Variants in GNB5 observed in about 807,000 individuals in gnomAD.
GNB5 encodes the protein guanine nucleotide-binding protein subunit beta-5.
In GNB5, 37 loss-of-function variants were observed where a neutral mutation model predicts 55.3. That is an observed-to-expected ratio of 0.67 (90% CI 0.51 to 0.88). The LOEUF (loss-of-function observed/expected upper bound fraction) is 0.88, where lower values mean the gene tolerates loss of function less well. Ranked by LOEUF, GNB5 falls within the 40% of genes least tolerant of loss-of-function variation. The pLI is 0.00. For missense variants in GNB5, 476 were observed against 515.3 expected (o/e 0.92, Z 0.74); for synonymous variants, 219 against 198.5 (o/e 1.10, Z -0.87).
intron 9 of GNB5, among the ~76,000 whole-genome samples, chr15:52,130,123 C>T (rs186030061): frequency 4.9e-4 from 74 of 152,212 alleles, no homozygotes; most frequent in African/African-American, 1.6e-3. Flanking sequence ...AAATGGGTTG[C>T]GAAGACAGAA....
At position 52,121,668 on chromosome 15, in the gene GNB5, C is replaced by G. The variant is rs1596046654; in HGVS notation, c.*1089G>C. On this transcript the variant is annotated 3_prime_UTR_variant, in exon 13 of 13. Transcript: ENST00000261837. ...TGTCACCCAGGCTGCAGTGGCTCGA[C>G]CTCGGCTCACTGCAAGCTCCACCTC... 1 of 151,004 alleles carries G rather than the reference C, an allele frequency of 6.6e-6. No individual in the cohort carries two copies. The highest frequency in any genetic ancestry group is 1.9e-4 in the East Asian group (1 of 5,148). 9.4% of individuals were successfully genotyped at this position (151,004 alleles called of 1,614,324 possible).
At chr15:52,142,146 C>T (rs573936395) in intron 6 of GNB5, among the ~76,000 whole-genome samples, 2 of 152,254 alleles carry the variant, frequency 1.3e-5, no homozygotes, top group African/African-American at 4.8e-5. Flanking sequence ...TGTCACAAGG[C>T]TTGTAATGTC....
In GNB5 at chr15:52,115,324, G is replaced by C. The variant is rs1183059724; in HGVS notation, c.*7433C>G. 6.6e-6 allele frequency: 1 copy of C among 152,168 alleles called. No homozygotes were observed. Among genetic ancestry groups the C allele is most frequent in the Non-Finnish European group, 1.5e-5 (1 of 68,032 alleles). 9.4% of individuals were successfully genotyped at this position (152,168 alleles called of 1,614,324 possible). On this transcript the variant is annotated 3_prime_UTR_variant, in exon 13 of 13. Coordinates refer to ENST00000261837, the MANE Select transcript of GNB5 (RefSeq NM_016194.4). ...AGAATTTCCAGTCCACACAATATGAGGCAGTTTGTAATAAGACTCGGTGAA... is the reference window on the plus strand; with the variant it reads ...AGAATTTCCAGTCCACACAATATGACGCAGTTTGTAATAAGACTCGGTGAA...
chr15:52,164,394 GGATCAC>G (rs1350267498), intron 3 of GNB5, among the ~76,000 whole-genome samples: 1 of 151,554 alleles, frequency 6.6e-6, no homozygotes, highest in Non-Finnish European at 1.5e-5. Flanking sequence ...CGAGGCGGGC[GGATCAC>G]GAAGTCAGGA....
chr15:52,172,476 T>G (rs915167896), intron 3 of GNB5, among the ~76,000 whole-genome samples: 1 of 152,000 alleles, frequency 6.6e-6, no homozygotes, highest in African/African-American at 2.4e-5. Context: ...CATTTTTCCC[T>G]TATTATAAAA....
chr15:52,169,365 C>T (rs1022685146), intron 3 of GNB5, among the ~76,000 whole-genome samples: 2 of 150,278 alleles, frequency 1.3e-5, no homozygotes, highest in African/African-American at 4.9e-5. Context: ...GGTGAAACCC[C>T]GTCTCTACTA....
chr15:52,155,244 G>A (rs1021500770), intron 3 of GNB5, among the ~76,000 whole-genome samples: 2 of 152,208 alleles, frequency 1.3e-5, no homozygotes, highest in African/African-American at 4.8e-5. Context: ...AACAGACAGA[G>A]GAACAGGGTG....
intron 6 of GNB5, among the ~76,000 whole-genome samples, chr15:52,145,953 C>CT (rs937011704): frequency 0.024 from 3,121 of 127,550 alleles, 158 homozygotes; most frequent in East Asian, 0.1. Context: ...TATAATATGA[C>CT]TTTTTTTTTT....
chr15:52,190,466 A>G (rs1351033349), intron 1 of GNB5, among the ~76,000 whole-genome samples: 1 of 152,202 alleles, frequency 6.6e-6, no homozygotes, highest in African/African-American at 2.4e-5. Context: ...CACTTCACAA[A>G]TGAGGATACT....
In GNB5 at chr15:52,119,624, G is replaced by C. The variant is rs2033219750; in HGVS notation, c.*3133C>G. ...GGGAACTAACCCTTCCTGAAGATGT[G>C]CTAAAGGCTGAGGTAGGCACTTTAC... On this transcript the variant is annotated 3_prime_UTR_variant, in exon 13 of 13. Transcript: ENST00000261837. The C allele has an allele frequency of 6.6e-6, 1 of 152,124 alleles. No homozygotes were observed. The highest frequency in any genetic ancestry group is 6.5e-5 in the Admixed American group (1 of 15,276). The allele number at this position is 152,124 out of a possible 1,614,324, so 9.4% of individuals were successfully genotyped here. A position where few individuals can be genotyped will look rare whatever the true frequency, so the allele number is the denominator to read the frequency against.
chr15:52,163,300 G>A (rs548074497), intron 3 of GNB5, among the ~76,000 whole-genome samples: 58 of 152,300 alleles, frequency 3.8e-4, no homozygotes, highest in Middle Eastern at 3.4e-3. Context: ...CGCAAACTCC[G>A]GCCCAAGAAA....
At chr15:52,185,479 A>G (rs1430744418) in intron 1 of GNB5, among the ~76,000 whole-genome samples, 1 of 152,226 alleles carries the variant, frequency 6.6e-6, no homozygotes, top group African/African-American at 2.4e-5. Flanking sequence ...CAGCGAGGTC[A>G]TGCTGCCCTG....
At chr15:52,126,422 T>C (rs952741474) in intron 10 of GNB5, among the ~76,000 whole-genome samples, 2 of 152,212 alleles carry the variant, frequency 1.3e-5, no homozygotes, top group African/African-American at 4.8e-5. Flanking sequence ...CCTAGAGGTA[T>C]TTACTAATTC....
chr15:52,168,004 C>T (rs1376346020), intron 3 of GNB5, among the ~76,000 whole-genome samples: 1 of 152,152 alleles, frequency 6.6e-6, no homozygotes, highest in Non-Finnish European at 1.5e-5. Context: ...GAACATATCT[C>T]AAAATAGTAA....
In GNB5 at chr15:52,115,225, C is replaced by G. The variant is rs1028095966; in HGVS notation, c.*7532G>C. 5.3e-5 allele frequency: 8 copies of G among 152,154 alleles called. No homozygotes were observed. The highest frequency in any genetic ancestry group is 1.9e-4 in the African/African-American group (8 of 41,412). The allele number at this position is 152,154 out of a possible 1,614,324, so 9.4% of individuals were successfully genotyped here. On this transcript the variant is annotated 3_prime_UTR_variant, in exon 13 of 13. Transcript: ENST00000261837. Reference sequence around the variant, plus strand: ...GTAGCTTTGGGGTAAATGATAAATCCTCTGGAACTGCCATTGGTAACTCAA... The same window carrying G: ...GTAGCTTTGGGGTAAATGATAAATCGTCTGGAACTGCCATTGGTAACTCAA...
At chr15:52,185,998 C>T (rs1596114600) in intron 1 of GNB5, among the ~76,000 whole-genome samples, 1 of 152,208 alleles carries the variant, frequency 6.6e-6, no homozygotes, top group East Asian at 1.9e-4. Flanking sequence ...AGGCTGGTCT[C>T]AAACTCCTGA....
chr15:52,137,051 C>T (rs1038117271), intron 7 of GNB5: 5 of 458,172 alleles, frequency 1.1e-5, no homozygotes, highest in Admixed American at 2.5e-5. Context: ...AAAGCTAAAA[C>T]GGCCTTGCAA....
intron 2 of GNB5, among the ~76,000 whole-genome samples, chr15:52,183,350 C>G (rs1041484132): frequency 6.7e-6 from 1 of 149,646 alleles, no homozygotes; most frequent in Admixed American, 6.7e-5. Context: ...GGGGTAAGGC[C>G]CCCAGAAAGC....
intron 3 of GNB5, among the ~76,000 whole-genome samples, chr15:52,178,535 T>TG (rs906378685): frequency 4.6e-5 from 7 of 152,232 alleles, no homozygotes; most frequent in African/African-American, 1.7e-4. Context: ...GGTCCCTTGG[T>TG]GGGGGGTGCA....
Sources: allele counts gnomAD v4.1 joint callset (sites outside exome capture counted in the v4.1 genomes callset), GRCh38; gene constraint gnomAD v4.1.1; transcripts MANE v1.5; gene names NCBI Gene and HGNC (gene_info 2026-07-23, HGNC 2026-07-21).